Variants in DOK5 observed in about 807,000 individuals in gnomAD.
DOK5 encodes downstream of tyrosine kinase 5.
In DOK5, 27 loss-of-function variants were observed where a neutral mutation model predicts 43.3. The observed-to-expected ratio is 0.62, with a 90% CI of 0.46 to 0.86. The LOEUF is 0.86. Ranked by LOEUF, DOK5 falls within the 40% of genes least tolerant of loss-of-function variation. The pLI is 0.00. For missense variants in DOK5, 373 were observed against 392.9 expected, an observed-to-expected ratio of 0.95 and a Z score of 0.43; for synonymous variants, 146 against 140.1, an observed-to-expected ratio of 1.04 and a Z score of -0.30.
chr20:54,493,973 T>C (rs1356590320), intron 1 of DOK5, among the ~76,000 whole-genome samples: 1 of 152,180 alleles, frequency 6.6e-6, no homozygotes, highest in African/African-American at 2.4e-5. Context: ...TTTCTATAAT[T>C]GTAGAGAATT....
chr20:54,607,943 A>C (rs1986525201), intron 5 of DOK5, among the ~76,000 whole-genome samples: 1 of 152,018 alleles, frequency 6.6e-6, no homozygotes, highest in Non-Finnish European at 1.5e-5. Flanking sequence ...GGCATTGGGT[A>C]AGAGTGATTT....
chr20:54,524,618 C>T (rs1444949470), intron 1 of DOK5, among the ~76,000 whole-genome samples: 1 of 152,086 alleles, frequency 6.6e-6, no homozygotes, highest in Admixed American at 6.6e-5. Flanking sequence ...AAACTGAGAC[C>T]AAGAGGAGTT....
intron 1 of DOK5, among the ~76,000 whole-genome samples, chr20:54,482,307 G>T (rs191656013): frequency 1.7e-3 from 253 of 152,232 alleles, no homozygotes; most frequent in Admixed American, 3.2e-3. Context: ...TCACGGCCAG[G>T]TTTTAAAAAT....
intron 6 of DOK5, among the ~76,000 whole-genome samples, chr20:54,623,518 G>T (rs909352595): frequency 1.3e-5 from 2 of 152,124 alleles, no homozygotes; most frequent in African/African-American, 4.8e-5. Context: ...GTAAGGCAAC[G>T]AGACGAGGCA....
chr20:54,606,225 T>C (rs188335639), intron 5 of DOK5, among the ~76,000 whole-genome samples: 253 of 152,370 alleles, frequency 1.7e-3, no homozygotes, highest in Non-Finnish European at 2.9e-3. Context: ...AATATTATTA[T>C]ATTTGAATCC....
intron 6 of DOK5, among the ~76,000 whole-genome samples, chr20:54,622,829 A>C (rs1987023814): frequency 6.6e-6 from 1 of 152,088 alleles, no homozygotes; most frequent in South Asian, 2.1e-4. Flanking sequence ...AAGAAGAGAG[A>C]GATAGAAATA....
At chr20:54,643,656 G>A in intron 7 of DOK5, 78 bp downstream of exon 7, 1 of 1,512,318 alleles carries the variant, frequency 6.6e-7, no homozygotes, top group South Asian at 1.2e-5. Context: ...TCAACTCGCA[G>A]CTGCTGCATG....
At chr20:54,489,900 G>A (rs1000790071) in intron 1 of DOK5, among the ~76,000 whole-genome samples, 1 of 152,156 alleles carries the variant, frequency 6.6e-6, no homozygotes, top group Non-Finnish European at 1.5e-5. Context: ...TTTCATGAAA[G>A]TTGCTTTGGA....
At chr20:54,631,395 A>G (rs1978558833) in intron 6 of DOK5, among the ~76,000 whole-genome samples, 1 of 151,466 alleles carries the variant, frequency 6.6e-6, no homozygotes, top group Non-Finnish European at 1.5e-5. Flanking sequence ...AGCCTGGGCA[A>G]CAAAGTGAGA....
chr20:54,635,214 A>G (rs933055199), intron 6 of DOK5, among the ~76,000 whole-genome samples: 9 of 152,204 alleles, frequency 5.9e-5, no homozygotes, highest in African/African-American at 2.2e-4. Context: ...GCCCTGAAAG[A>G]CATTTAAGTA....
intron 1 of DOK5, among the ~76,000 whole-genome samples, chr20:54,540,749 C>A (rs566318192): frequency 4.3e-4 from 65 of 152,246 alleles, no homozygotes; most frequent in Admixed American, 1.1e-3. Flanking sequence ...GTCTTGAACT[C>A]CTGGCCTCCT....
intron 2 of DOK5, among the ~76,000 whole-genome samples, chr20:54,586,962 A>G (rs1985823570): frequency 6.6e-6 from 1 of 152,034 alleles, no homozygotes; most frequent in African/African-American, 2.4e-5. Context: ...ATGGGAAGTC[A>G]CTGAAGTGTT....
chr20:54,619,540 C>G (rs1245566065), intron 6 of DOK5, among the ~76,000 whole-genome samples: 4 of 152,150 alleles, frequency 2.6e-5, no homozygotes, highest in Admixed American at 6.5e-5. Flanking sequence ...CAGGTTTTTC[C>G]AGGGGCTCCG....
chr20:54,492,322 G>A (rs1982213295), intron 1 of DOK5, among the ~76,000 whole-genome samples: 1 of 152,028 alleles, frequency 6.6e-6, no homozygotes, highest in Admixed American at 6.5e-5. Context: ...TTACACACAT[G>A]GGTTCATATT....
At chr20:54,565,128 G>A (rs1383304454) in intron 2 of DOK5, among the ~76,000 whole-genome samples, 1 of 152,092 alleles carries the variant, frequency 6.6e-6, no homozygotes, top group African/African-American at 2.4e-5. Flanking sequence ...CTTTATGTGT[G>A]GGGGATACAT....
intron 5 of DOK5, among the ~76,000 whole-genome samples, chr20:54,595,318 T>C (rs1389609473): frequency 4.0e-5 from 6 of 151,870 alleles, no homozygotes; most frequent in South Asian, 2.1e-4. Flanking sequence ...CCAGCCTGGG[T>C]GACACAGCGA....
intron 1 of DOK5, among the ~76,000 whole-genome samples, chr20:54,542,859 T>A (rs1209780152): frequency 6.6e-6 from 1 of 152,168 alleles, no homozygotes; most frequent in African/African-American, 2.4e-5. Flanking sequence ...TGTGTTCAGA[T>A]TACTGTTGCC....
intron 2 of DOK5, among the ~76,000 whole-genome samples, chr20:54,573,671 A>G (rs1424356167): frequency 7.9e-6 from 1 of 126,662 alleles, no homozygotes; most frequent in South Asian, 2.7e-4. Context: ...TGGGTTATAG[A>G]GGGAGACTCC....
chr20:54,508,120 G>T (rs1049246302), intron 1 of DOK5, among the ~76,000 whole-genome samples: 10 of 152,040 alleles, frequency 6.6e-5, no homozygotes, highest in African/African-American at 2.4e-4. Context: ...GGTTTAGACG[G>T]GGTTTTCAGA....
Sources: allele counts gnomAD v4.1 joint callset (sites outside exome capture counted in the v4.1 genomes callset), GRCh38; gene constraint gnomAD v4.1.1; transcripts MANE v1.5; gene names NCBI Gene and HGNC (gene_info 2026-07-23, HGNC 2026-07-21).